NTNG2: variants seen among roughly 807,000 people sequenced by gnomAD.
NTNG2 encodes netrin-G2.
Under a neutral mutation model 47.6 loss-of-function variants are expected in NTNG2, and 15 were observed. The ratio of observed to expected loss-of-function variants is 0.32; its 90% CI spans 0.21 to 0.49. The LOEUF is 0.49. NTNG2 is among the 20% of genes least tolerant of loss of function. NTNG2 has a pLI of 0.99. For synonymous variants in NTNG2, 307 were observed against 324.6 expected, an observed-to-expected ratio of 0.95 and a Z score of 0.58; for missense variants, 578 against 764.6, an observed-to-expected ratio of 0.76 and a Z score of 2.88.
At chr9:132,222,342 C>T (rs1840407529) in intron 3 of NTNG2, among the ~76,000 whole-genome samples, 1 of 152,218 alleles carries the variant, frequency 6.6e-6, no homozygotes, top group Admixed American at 6.5e-5. Context: ...CTGCTGTCCC[C>T]CTCTGTGCCT....
At chr9:132,185,001 G>C (rs1589405006) in intron 2 of NTNG2, among the ~76,000 whole-genome samples, 1 of 152,314 alleles carries the variant, frequency 6.6e-6, no homozygotes, top group Non-Finnish European at 1.5e-5. Context: ...GACTTAAGAA[G>C]GGGAAGGCGC....
intron 5 of NTNG2, among the ~76,000 whole-genome samples, chr9:132,235,674 G>A (rs954445870): frequency 1.1e-4 from 17 of 152,182 alleles, no homozygotes; most frequent in African/African-American, 4.1e-4. Flanking sequence ...ATCTACGGCT[G>A]CCCCTCTCTC....
At chr9:132,179,718 G>A (rs1368518700) in intron 2 of NTNG2, among the ~76,000 whole-genome samples, 3 of 152,214 alleles carry the variant, frequency 2.0e-5, no homozygotes, top group African/African-American at 7.2e-5. Flanking sequence ...ACGGAGCCAG[G>A]TCAGAGTGCA....
intron 2 of NTNG2, among the ~76,000 whole-genome samples, chr9:132,171,968 T>C (rs1383446129): frequency 6.6e-6 from 1 of 152,106 alleles, no homozygotes; most frequent in Non-Finnish European, 1.5e-5. Flanking sequence ...GTGAGATGAC[T>C]AGAGATAAAT....
chr9:132,205,697 A>G (rs570370712), intron 3 of NTNG2, among the ~76,000 whole-genome samples: 1 of 152,236 alleles, frequency 6.6e-6, no homozygotes, highest in South Asian at 2.1e-4. Context: ...CCTGGCCAAC[A>G]TGGCAAAACC....
Position 132,166,871 on chromosome 9 carries a change from C to G in NTNG2, c.40C>G (p.Leu14Val). Reference protein sequence around the residue: ...LLALFLHCLPLASGDYDICKS... With the variant: ...LLALFLHCLPVASGDYDICKS... ...GGCGCTCTTCCTGCACTGCCTCCCT[C>G]TGGCCTCTGGGGACTATGACATCTG... Residue 14 changes from leucine to valine, a missense_variant, in exon 2 of 8, where the codon CTG becomes GTG. By Grantham distance (32) the Leu-to-Val change is conservative. Coordinates refer to ENST00000393229, the MANE Select transcript of NTNG2 (RefSeq NM_032536.4). 6.2e-7 allele frequency: 1 copy of G among 1,614,254 alleles called. No homozygotes were observed. The highest frequency in any genetic ancestry group is 8.5e-7 in the Non-Finnish European group (1 of 1,180,050).
At chr9:132,173,211 C>T (rs1337444637) in intron 2 of NTNG2, among the ~76,000 whole-genome samples, 1 of 152,152 alleles carries the variant, frequency 6.6e-6, no homozygotes, top group African/African-American at 2.4e-5. Flanking sequence ...CTGCACCAGC[C>T]GTTAAAGCCA....
intron 5 of NTNG2, chr9:132,232,430 C>T (rs879475266): frequency 4.6e-5 from 7 of 152,480 alleles, no homozygotes; most frequent in Admixed American, 3.9e-4. Context: ...GTCCTGCCCC[C>T]TCAGGGGTCT....
chr9:132,164,083 T>A lies in NTNG2; in HGVS notation c.-484+1844T>A, dbSNP rs58935320. Among the ~76,000 whole-genome samples, 5 of 152,266 alleles carry A rather than the reference T, an allele frequency of 3.3e-5. No homozygotes were observed. The East Asian group carries it at 9.6e-4, about 29-fold the overall frequency. On this transcript the variant is annotated intron_variant, in intron 1 of 7. Coordinates refer to ENST00000393229, the MANE Select transcript of NTNG2 (RefSeq NM_032536.4). ...CCTGCCTCTCTTCCCCCTTCTCTTT[T>A]TTCTTTTTGGCAGAACCCGCCTGCA...
chr9:132,240,777 C>G (rs1165718750), intron 6 of NTNG2, 133 bp from the exon 7 acceptor site: 6 of 1,388,074 alleles, frequency 4.3e-6, no homozygotes, highest in Non-Finnish European at 5.9e-6. Flanking sequence ...GCCGCGGGCT[C>G]ACGTGGACCC....
chr9:132,213,331 CAAAAAAAAAAAAA>C (rs61393543), intron 3 of NTNG2, among the ~76,000 whole-genome samples: 11,158 of 104,244 alleles, frequency 0.11, 1,433 homozygotes, highest in African/African-American at 0.3. Context: ...GACTCCATCT[CAAAAAAAAAAAAA>C]AAAAAAAAAA....
At position 132,170,651 on chromosome 9, in the gene NTNG2, T is replaced by A. The variant is rs1205737900; in HGVS notation, c.213+3607T>A. On this transcript the variant is annotated intron_variant, in intron 2 of 7. Coordinates refer to ENST00000393229, the MANE Select transcript of NTNG2 (RefSeq NM_032536.4). Reference sequence around the variant, plus strand: ...GTGAGAGGAAGGGGGAAACCCTTCCTTTGTGCCTTGGAGACAAAAACTAGC... The same window carrying A: ...GTGAGAGGAAGGGGGAAACCCTTCCATTGTGCCTTGGAGACAAAAACTAGC... Among the ~76,000 whole-genome samples, 7 of 152,296 alleles carry A rather than the reference T, an allele frequency of 4.6e-5. No homozygotes were observed. In the South Asian group the frequency reaches 1.0e-3, roughly 23 times the overall value.
intron 2 of NTNG2, among the ~76,000 whole-genome samples, chr9:132,196,956 T>C (rs1395906372): frequency 6.6e-6 from 1 of 152,180 alleles, no homozygotes; most frequent in Admixed American, 6.5e-5. Flanking sequence ...AAAGGCATTT[T>C]CCCTACATTT....
intron 3 of NTNG2, among the ~76,000 whole-genome samples, chr9:132,207,720 G>A (rs1055367575): frequency 2.0e-5 from 3 of 152,230 alleles, no homozygotes; most frequent in African/African-American, 7.2e-5. Flanking sequence ...CAGGGTCCAA[G>A]AGCATGGAGG....
At chr9:132,183,071 A>C (rs1351977715) in intron 2 of NTNG2, among the ~76,000 whole-genome samples, 1 of 152,164 alleles carries the variant, frequency 6.6e-6, no homozygotes, top group Non-Finnish European at 1.5e-5. Flanking sequence ...AAACTGAAAG[A>C]CCAGGAGGAA....
chr9:132,223,343 C>G (rs1283629292), intron 3 of NTNG2, among the ~76,000 whole-genome samples: 2 of 152,126 alleles, frequency 1.3e-5, no homozygotes, highest in Non-Finnish European at 2.9e-5. Context: ...CATTCCCACT[C>G]AGACAGGGAC....
chr9:132,206,725 G>C (rs766859521), intron 3 of NTNG2, among the ~76,000 whole-genome samples: 1 of 152,242 alleles, frequency 6.6e-6, no homozygotes, highest in Non-Finnish European at 1.5e-5. Flanking sequence ...CAGCTCTTTG[G>C]GGACAGACAT....
Position 132,241,059 on chromosome 9 carries a change from T to TC in NTNG2, c.1357+20dup, listed in dbSNP as rs982946490. Reference sequence around the variant, plus strand: ...GGGCTGCTACCGTGAGTGCGCGCCGTCCCCCGTGGGCGGGGCCTGCGGAAA... The same window carrying TC: ...GGGCTGCTACCGTGAGTGCGCGCCGTCCCCCCGTGGGCGGGGCCTGCGGAAA... On this transcript the variant is annotated intron_variant, in intron 7 of 7. Transcript: ENST00000393229. 90 of 1,584,430 alleles carry TC rather than the reference T, an allele frequency of 5.7e-5. No individual in the cohort carries two copies. Among genetic ancestry groups the TC allele is most frequent in the Middle Eastern group, 1.7e-4 (1 of 6,014 alleles).
At chr9:132,241,747 G>T (rs897550329) in intron 7 of NTNG2, 129 bp from the exon 8 acceptor site, 3 of 630,272 alleles carry the variant, frequency 4.8e-6, no homozygotes, top group South Asian at 2.1e-5. Context: ...CACCCAGCGC[G>T]CCTGGAGCCT....
Sources: gnomAD v4.1 joint callset for allele counts (sites outside exome capture counted in the v4.1 genomes callset) on GRCh38, gnomAD v4.1.1 for gene constraint, MANE v1.5 for transcripts, NCBI Gene and HGNC (gene_info 2026-07-23, HGNC 2026-07-21) for gene names.